USP34: variants seen among roughly 807,000 people sequenced by gnomAD.
The protein encoded by USP34 is ubiquitin specific peptidase 34.
A neutral mutation model predicts 460.3 loss-of-function variants in USP34; 70 were observed. That is an observed-to-expected ratio of 0.15 (90% CI 0.13 to 0.19). USP34 has a LOEUF of 0.19. Among genes scored for constraint, USP34 ranks in the 10% least tolerant of loss-of-function variants. The probability of loss-of-function intolerance (pLI) is 1.00; values close to 1 mark genes in which losing one functional copy is unlikely to be tolerated. For synonymous variants in USP34, 1,647 were observed against 1,405.3 expected (o/e 1.17, Z -3.85); for missense variants, 3,985 against 4,236.2 (o/e 0.94, Z 1.65).
chr2:61,371,984 A>G (rs1456622745), intron 8 of USP34, among the ~76,000 whole-genome samples: 3 of 152,186 alleles, frequency 2.0e-5, no homozygotes, highest in African/African-American at 7.2e-5. Flanking sequence ...ACTTTGTACA[A>G]TGAAGTCACC....
At chr2:61,451,803 C>T (rs1288866070) in intron 1 of USP34, among the ~76,000 whole-genome samples, 1 of 152,000 alleles carries the variant, frequency 6.6e-6, no homozygotes, top group East Asian at 1.9e-4. Flanking sequence ...AATGTTAGAT[C>T]CTACTTCATA....
chr2:61,283,123 T>A, intron 37 of USP34, 22 bp downstream of exon 37: 1 of 1,610,372 alleles, frequency 6.2e-7, no homozygotes, highest in South Asian at 1.1e-5. Flanking sequence ...ATAACAGTAC[T>A]AACCTTCAAT....
chr2:61,276,486 C>T (rs557521344), intron 41 of USP34, among the ~76,000 whole-genome samples: 10 of 152,162 alleles, frequency 6.6e-5, no homozygotes, highest in Admixed American at 6.5e-4. Context: ...GAATTTTATA[C>T]ATGCGTATTT....
At chr2:61,331,222 T>C in intron 20 of USP34, 54 bp downstream of exon 20, 1 of 1,449,912 alleles carries the variant, frequency 6.9e-7, no homozygotes, top group African/African-American at 1.4e-5. Flanking sequence ...AAAATCATCT[T>C]TCAAAGGAAA....
chr2:61,238,739 T>C (rs1368760292), intron 53 of USP34, among the ~76,000 whole-genome samples: 1 of 152,158 alleles, frequency 6.6e-6, no homozygotes, highest in African/African-American at 2.4e-5. Flanking sequence ...GAAAAAATTG[T>C]TGGCTTAGGT....
rs1348074648 is a variant in USP34 at position 61,266,059 on chromosome 2, A to C, written c.5542T>G (p.Leu1848Val). The C allele has an allele frequency of 5.6e-6, 9 of 1,613,852 alleles. No individual in the cohort carries two copies. The highest frequency in any genetic ancestry group is 7.6e-6 in the Non-Finnish European group (9 of 1,179,910). Residue 1848 changes from leucine (L) to valine (V), a missense_variant, in exon 42 of 80, where the codon TTA becomes GTA. Coordinates refer to ENST00000398571, the MANE Select transcript of USP34 (RefSeq NM_014709.4). ...ACAGACCCCTTTACCATCTCTACTA[A>C]CAAATCGTAAGCGGCAGCTCTTGAA... ...HSSRAAAYDLLVEMVKGSVEN... is the reference protein window; with the variant it reads ...HSSRAAAYDLVVEMVKGSVEN...
chr2:61,279,349 G>T (rs1385281196), intron 39 of USP34, among the ~76,000 whole-genome samples: 1 of 152,024 alleles, frequency 6.6e-6, no homozygotes, highest in African/African-American at 2.4e-5. Flanking sequence ...TATTTCAAAG[G>T]ATCTTCTTTA....
intron 23 of USP34, among the ~76,000 whole-genome samples, chr2:61,315,603 A>C (rs189313654): frequency 6.6e-6 from 1 of 152,020 alleles, no homozygotes; most frequent in East Asian, 1.9e-4. Context: ...TCGAACTCCC[A>C]ACCTCAGCTG....
intron 27 of USP34, among the ~76,000 whole-genome samples, chr2:61,304,850 A>G (rs1449624542): frequency 6.6e-6 from 1 of 152,166 alleles, no homozygotes; most frequent in Admixed American, 6.5e-5. Context: ...TACTTTTGAG[A>G]AGATCTTTTT....
rs781379820 is a variant in USP34 at position 61,248,474 on chromosome 2, A to C, written c.6394+37T>G. 2.1e-5 allele frequency: 31 copies of C among 1,509,008 alleles called. 1 individual carries two copies. In the Admixed American group the frequency reaches 6.2e-4, roughly 30 times the overall value. The allele number at this position is 1,509,008 out of a possible 1,614,324, so 93.5% of individuals were successfully genotyped here. ...TGCCTACCTTGTTATGGAGATTGAC[A>C]ATAATCACAGACAAGAGAAAGAAAT... is the stretch of plus-strand genomic sequence containing the variant. On this transcript the variant is annotated intron_variant, in intron 49 of 79. Coordinates refer to ENST00000398571, the MANE Select transcript of USP34 (RefSeq NM_014709.4).
At chr2:61,390,844 C>T (rs961105668) in intron 5 of USP34, among the ~76,000 whole-genome samples, 2 of 151,862 alleles carry the variant, frequency 1.3e-5, no homozygotes, top group Non-Finnish European at 2.9e-5. Flanking sequence ...CACCTGTAAT[C>T]CCAGCACTCT....
intron 58 of USP34, among the ~76,000 whole-genome samples, chr2:61,230,251 T>C (rs150235478): frequency 6.6e-6 from 1 of 152,160 alleles, no homozygotes; most frequent in South Asian, 2.1e-4. Context: ...GTTTACCAGC[T>C]GGGTGCAGTG....
At chr2:61,449,231 T>G (rs1351291625) in intron 1 of USP34, among the ~76,000 whole-genome samples, 3 of 143,882 alleles carry the variant, frequency 2.1e-5, no homozygotes, top group Admixed American at 7.1e-5. Context: ...TACTGCAGCC[T>G]GGATGACAGT....
At chr2:61,468,955 T>C (rs1695865276) in intron 1 of USP34, among the ~76,000 whole-genome samples, 1 of 152,184 alleles carries the variant, frequency 6.6e-6, no homozygotes, top group Admixed American at 6.5e-5. Context: ...ACGCCTGTAA[T>C]CCCAGCACTT....
At chr2:61,386,072 T>G (rs1693135662) in intron 5 of USP34, among the ~76,000 whole-genome samples, 1 of 151,328 alleles carries the variant, frequency 6.6e-6, no homozygotes, top group South Asian at 2.1e-4. Flanking sequence ...CTTGTAAAGC[T>G]TCAGTAATTA....
chr2:61,280,370 T>G (rs1034107253), intron 38 of USP34, 22 bp from the exon 39 acceptor site: 7 of 1,210,748 alleles, frequency 5.8e-6, no homozygotes, highest in Non-Finnish European at 7.9e-6. Flanking sequence ...ATTTTATACT[T>G]TGTGAAAACA....
chr2:61,325,527 C>G, intron 20 of USP34, 70 bp from the exon 21 acceptor site: 1 of 880,768 alleles, frequency 1.1e-6, no homozygotes, highest in Non-Finnish European at 1.6e-6. Context: ...TTTAGTGGTC[C>G]TATGCATAAC....
At chr2:61,339,773 C>T (rs1322222135) in intron 16 of USP34, 92 bp from the exon 17 acceptor site, 3 of 570,328 alleles carry the variant, frequency 5.3e-6, no homozygotes, top group African/African-American at 3.9e-5. Flanking sequence ...AAGAAAAGTA[C>T]ACGATATTTT....
intron 1 of USP34, among the ~76,000 whole-genome samples, chr2:61,455,030 C>T (rs1331657429): frequency 6.6e-6 from 1 of 151,836 alleles, no homozygotes. Flanking sequence ...TACAGGCACA[C>T]GCCACAATGC....
Sources: gnomAD v4.1 joint callset for allele counts (sites outside exome capture counted in the v4.1 genomes callset) on GRCh38, gnomAD v4.1.1 for gene constraint, MANE v1.5 for transcripts, NCBI Gene and HGNC (gene_info 2026-07-23, HGNC 2026-07-21) for gene names.